The following NLRC5 variants were observed in gnomAD, a reference collection of about 807,000 sequenced individuals.
The protein encoded by NLRC5 is NLR family CARD domain containing 5.
NLRC5 carries 114 observed loss-of-function variants against 206.9 expected under a neutral mutation model. That is an observed-to-expected ratio of 0.55 (90% confidence interval 0.47 to 0.64). The LOEUF is 0.64. Ranked by LOEUF, NLRC5 falls within the 30% of genes least tolerant of loss-of-function variation. The probability of loss-of-function intolerance (pLI) is 0.00; values close to 1 mark genes in which losing one functional copy is unlikely to be tolerated. For synonymous variants in NLRC5, 952 were observed against 962.8 expected (o/e 0.99, Z 0.21); for missense variants, 2,008 against 2,305.5 (o/e 0.87, Z 2.64).
intron 1 of NLRC5, among the ~76,000 whole-genome samples, chr16:57,001,276 T>C (rs760522974): frequency 5.9e-5 from 9 of 152,204 alleles, no homozygotes; most frequent in African/African-American, 9.6e-5. Flanking sequence ...TCTGTCCAAA[T>C]GTCTGTAGTC....
intron 2 of NLRC5, among the ~76,000 whole-genome samples, chr16:57,018,989 G>A (rs12446867): frequency 6.6e-6 from 1 of 152,090 alleles, no homozygotes; most frequent in African/African-American, 2.4e-5. Flanking sequence ...GTTTGCCAAG[G>A]TTAGAGTCCT....
intron 1 of NLRC5, chr16:56,992,372 G>A (rs1378612992): frequency 6.6e-6 from 1 of 152,212 alleles, no homozygotes; most frequent in Non-Finnish European, 1.5e-5. Context: ...GACCAGGCAA[G>A]CTAATGCAAG....
intron 8 of NLRC5, 117 bp downstream of exon 8, chr16:57,028,502 C>G: frequency 2.6e-6 from 2 of 780,554 alleles, no homozygotes; most frequent in Admixed American, 4.2e-5. Flanking sequence ...TCAGTGAGAC[C>G]CAGAGAGGGA....
At position 57,079,071 on chromosome 16, in the gene NLRC5, C is replaced by T; in HGVS notation, c.5103C>T (p.Gly1701=). 1.2e-6 allele frequency: 2 copies of T among 1,614,160 alleles called. No homozygotes were observed. Among genetic ancestry groups the T allele is most frequent in the Non-Finnish European group, 1.7e-6 (2 of 1,180,002 alleles). ...RVLHLPFSHL[G]PGGALSLAQA... ...CCAGCCTACCATTCAGCCATCTGGG[C>T]CCAGGTGGGGCCCTGAGCCTGGCCC... Residue 1701 remains glycine (G), a synonymous_variant, in exon 44 of 49, where the codon GGC becomes GGT. Transcript: ENST00000688547.
chr16:57,081,595 G>A lies in NLRC5; in HGVS notation c.5474G>A (p.Ser1825Asn), dbSNP rs199476022. The change falls in exon 48 of 49, where the codon AGC (serine) becomes AAC (asparagine). Residue 1825 changes from serine (S) to asparagine (N), a missense_variant. Transcript: ENST00000688547. ...GCTGAAGGACTGGCCCAGGGGTCTA[G>A]CATCCAAGTCATCCGGTAACAGAGG... Reference protein sequence around the residue: ...LLAEGLAQGSSIQVIRLWNNP... With the variant: ...LLAEGLAQGSNIQVIRLWNNP... The A allele has an allele frequency of 5.0e-6, 8 of 1,614,048 alleles. No individual in the cohort carries two copies. The African/African-American group carries it at 5.3e-5, about 11-fold the overall frequency.
chr16:57,045,378 G>A (rs2063805881), intron 20 of NLRC5, 70 bp from the exon 21 acceptor site: 1 of 1,533,608 alleles, frequency 6.5e-7, no homozygotes, highest in African/African-American at 1.4e-5. Flanking sequence ...TGACCAGTCT[G>A]GGTTCTTGCC....
chr16:57,034,656 T>C (rs2143112593), intron 13 of NLRC5: 1 of 159,128 alleles, frequency 6.3e-6, no homozygotes, highest in East Asian at 1.9e-4. Flanking sequence ...ATCTGCCAAG[T>C]AGAAACCCCA....
At chr16:57,037,410 C>T in intron 15 of NLRC5, 126 bp downstream of exon 15, 1 of 838,558 alleles carries the variant, frequency 1.2e-6, no homozygotes, top group Non-Finnish European at 2.0e-6. Flanking sequence ...CCCACCCAGA[C>T]CCCGTTACAG....
chr16:56,997,524 G>A (rs769275922), intron 1 of NLRC5, among the ~76,000 whole-genome samples: 6 of 152,072 alleles, frequency 3.9e-5, no homozygotes, highest in Admixed American at 6.6e-5. Flanking sequence ...TTGAAATCAG[G>A]ATTTAAACCC....
intron 25 of NLRC5, 54 bp from the exon 26 acceptor site, chr16:57,054,978 G>A: frequency 6.2e-7 from 1 of 1,609,508 alleles, no homozygotes; most frequent in South Asian, 1.1e-5. Context: ...GGCCCCGTGG[G>A]GGCATCCTGA....
chr16:57,013,209 C>G, intron 1 of NLRC5: 1 of 457,446 alleles, frequency 2.2e-6, no homozygotes. Flanking sequence ...TTAAAGGTTG[C>G]GAACAGTATC....
In NLRC5 at chr16:57,025,821, A is replaced by G. The variant is rs770844231; in HGVS notation, c.878A>G (p.Gln293Arg). Residue 293 changes from glutamine to arginine, a missense_variant, in exon 6 of 49, where the codon CAG (glutamine) becomes CGG (arginine). Gln to Arg is a conservative substitution (Grantham distance 43, BLOSUM62 1). Coordinates refer to ENST00000688547, the MANE Select transcript of NLRC5 (RefSeq NM_001384950.1). ...GAATCGGACCACGACACTGTCTTCC[A>G]GTACCTGGAGAAGAACGCTGACCAA... ...SPESDHDTVF[Q>R]YLEKNADQVL... 1.4e-5 allele frequency: 23 copies of G among 1,614,126 alleles called. No individual in the cohort carries two copies. Among genetic ancestry groups the G allele is most frequent in the Non-Finnish European group, 1.8e-5 (21 of 1,180,050 alleles).
At chr16:57,037,152 C>T in intron 14 of NLRC5, 43 bp from the exon 15 acceptor site, 1 of 1,542,888 alleles carries the variant, frequency 6.5e-7, no homozygotes, top group East Asian at 2.2e-5. Flanking sequence ...GGGCTGGGTA[C>T]CTCAGCCACA....
In NLRC5 at chr16:57,036,112, C is replaced by T. The variant is rs2062539769; in HGVS notation, c.2640C>T (p.Asn880=). The part of the protein sequence containing the change: ...PHLEEVDLSG[N]QLEDEGCRLM... ...CCCCCCGTCTCAGCCTCTCAGGGAA[C>T]CAGCTGGAAGATGAAGGCTGTCGGC... Residue 880 remains asparagine (N), a synonymous_variant, in exon 14 of 49, where the codon AAC becomes AAT. Transcript: ENST00000688547. The T allele has an allele frequency of 6.2e-7, 1 of 1,613,662 alleles. No homozygotes were observed. The highest frequency in any genetic ancestry group is 8.5e-7 in the Non-Finnish European group (1 of 1,179,992).
chr16:57,043,842 C>T (rs964146437), intron 20 of NLRC5: 2 of 565,474 alleles, frequency 3.5e-6, no homozygotes, highest in Non-Finnish European at 6.3e-6. Context: ...TTAGAGAGTT[C>T]ATTGACTCTG....
Position 57,058,140 on chromosome 16 carries a change from T to C in NLRC5, c.3822T>C (p.Gly1274=). The change falls in exon 28 of 49, where the codon GGT becomes GGC. Residue 1274 remains glycine, a synonymous_variant. Coordinates refer to ENST00000688547, the MANE Select transcript of NLRC5 (RefSeq NM_001384950.1). The stretch of plus-strand genomic sequence containing the variant: ...GTCTGCCGCAGGTGCCCATCTCCGG[T>C]TTGCTTGAGTAAGTGGAAAGCAGCA... ...LECLPQVPIS[G]LLDLSHNSIS... 6.2e-7 allele frequency: 1 copy of C among 1,607,382 alleles called. No homozygotes were observed. Among genetic ancestry groups the C allele is most frequent in the Non-Finnish European group, 8.5e-7 (1 of 1,176,154 alleles).
chr16:57,015,773 C>A (rs1202236713), intron 1 of NLRC5, among the ~76,000 whole-genome samples: 1 of 151,118 alleles, frequency 6.6e-6, no homozygotes, highest in Non-Finnish European at 1.5e-5. Flanking sequence ...ACTAAAAATA[C>A]AAAATTAGCC....
rs573523943 is a variant in NLRC5, at chr16:57,009,571, C to A, written c.-127-7503C>A. Among the ~76,000 whole-genome samples the A allele has an allele frequency of 2.0e-5, 3 of 151,098 alleles. No homozygotes were observed. The South Asian group carries it at 6.3e-4, about 32-fold the overall frequency. ...TCACGCCACTGCACTCCAGCCTGGG[C>A]GACAGAGTGAGACTCCATTTCAAAA... On this transcript the variant is annotated intron_variant, in intron 1 of 48. Coordinates refer to ENST00000688547, the MANE Select transcript of NLRC5 (RefSeq NM_001384950.1).
At chr16:57,033,777 C>G (rs2062162617) in intron 12 of NLRC5, 108 bp downstream of exon 12, 1 of 1,072,786 alleles carries the variant, frequency 9.3e-7, no homozygotes, top group South Asian at 1.3e-5. Flanking sequence ...AGATGAGGGA[C>G]AGGGAAAGGA....
Sources: gnomAD v4.1 joint callset for allele counts (sites outside exome capture counted in the v4.1 genomes callset) on GRCh38, gnomAD v4.1.1 for gene constraint, MANE v1.5 for transcripts, NCBI Gene and HGNC (gene_info 2026-07-23, HGNC 2026-07-21) for gene names.